Variants in DACH1 observed in about 807,000 individuals in gnomAD.
DACH1 encodes the protein dachshund family transcription factor 1.
Under a neutral mutation model 54.2 loss-of-function variants are expected in DACH1, and 12 were observed. The ratio of observed to expected loss-of-function variants is 0.22; its 90% CI spans 0.14 to 0.36. The LOEUF is 0.36. Among genes scored for constraint, DACH1 ranks in the 10% least tolerant of loss-of-function variants. The pLI, the probability that DACH1 is intolerant of heterozygous loss-of-function variation, is 1.00. For missense variants in DACH1, 805 were observed against 929.8 expected (o/e 0.87, Z 1.75); for synonymous variants, 386 against 366.2 (o/e 1.05, Z -0.62).
Position 71,865,463 on chromosome 13 carries a change from C to T in DACH1, c.848+459G>A, listed in dbSNP as rs549023738. Among the ~76,000 whole-genome samples the T allele has an allele frequency of 2.5e-3, 387 of 152,252 alleles. 1 individual carries two copies. Among genetic ancestry groups the T allele is most frequent in the Non-Finnish European group, 4.5e-3 (305 of 68,002 alleles). ...CTCCCCCCGCCCCCGGGACACCGCTCGGCGCCACAGATCAGCCCTGTCGGT... is the reference window on the plus strand; with the variant it reads ...CTCCCCCCGCCCCCGGGACACCGCTTGGCGCCACAGATCAGCCCTGTCGGT... On this transcript the variant is annotated intron_variant, in intron 1 of 10. Transcript: ENST00000613252.
intron 1 of DACH1, among the ~76,000 whole-genome samples, chr13:71,858,927 C>G (rs1874179320): frequency 6.6e-6 from 1 of 151,610 alleles, no homozygotes; most frequent in Non-Finnish European, 1.5e-5. Context: ...GTATCTCTCT[C>G]TCTGTGTGTC....
chr13:71,668,939 A>T (rs573881627), intron 2 of DACH1, among the ~76,000 whole-genome samples: 21 of 152,286 alleles, frequency 1.4e-4, no homozygotes, highest in Admixed American at 1.3e-3. Context: ...TAAAAAACAA[A>T]AAAAGAAACA....
intron 10 of DACH1, among the ~76,000 whole-genome samples, chr13:71,440,915 T>C (rs1052781126): frequency 1.3e-5 from 2 of 152,044 alleles, no homozygotes; most frequent in African/African-American, 4.8e-5. Flanking sequence ...CATAAATATA[T>C]ATTTGCTATT....
chr13:71,654,664 G>A (rs1878966054), intron 2 of DACH1, among the ~76,000 whole-genome samples: 1 of 152,020 alleles, frequency 6.6e-6, no homozygotes, highest in Non-Finnish European at 1.5e-5. Context: ...ACATGGAAAT[G>A]TGTTGGCACT....
chr13:71,507,866 T>A (rs895413285), intron 6 of DACH1, among the ~76,000 whole-genome samples: 1 of 152,206 alleles, frequency 6.6e-6, no homozygotes, highest in African/African-American at 2.4e-5. Flanking sequence ...CCTGCCAATG[T>A]TAATATATTT....
At chr13:71,678,680 A>G (rs1594088059) in intron 2 of DACH1, among the ~76,000 whole-genome samples, 2 of 147,558 alleles carry the variant, frequency 1.4e-5, no homozygotes, top group Admixed American at 6.8e-5. Flanking sequence ...TCTTTCAGAC[A>G]GGGTCTCTTT....
intron 6 of DACH1, among the ~76,000 whole-genome samples, chr13:71,524,873 A>G (rs1298722584): frequency 2.0e-5 from 3 of 152,136 alleles, no homozygotes; most frequent in East Asian, 1.9e-4. Flanking sequence ...TGAAAAGGAT[A>G]ATCAGTACAG....
At chr13:71,816,651 TATATACACGTGTATATATATAC>T in intron 1 of DACH1, among the ~76,000 whole-genome samples, 1 of 21,496 alleles carries the variant, frequency 4.7e-5, no homozygotes, top group African/African-American at 1.0e-4. Context: ...TGTGTGTATA[TATATACACGTGTATATATATAC>T]ACACATATAT....
intron 1 of DACH1, among the ~76,000 whole-genome samples, chr13:71,740,802 T>C (rs1034913570): frequency 5.3e-5 from 8 of 152,204 alleles, no homozygotes; most frequent in East Asian, 1.9e-4. Context: ...CATGATGATA[T>C]GATGTATAAT....
intron 10 of DACH1, among the ~76,000 whole-genome samples, chr13:71,454,966 A>G (rs1268404391): frequency 1.3e-5 from 2 of 152,176 alleles, no homozygotes; most frequent in African/African-American, 4.8e-5. Context: ...AGTTCTTGTG[A>G]GTTTTAGTGT....
chr13:71,656,914 CTTCT>C (rs908391630), intron 2 of DACH1, among the ~76,000 whole-genome samples: 2 of 39,222 alleles, frequency 5.1e-5, no homozygotes, highest in African/African-American at 1.6e-4. Flanking sequence ...ATTGACTGTT[CTTCT>C]TTCATATATA....
At chr13:71,543,955 C>G (rs1201391669) in intron 6 of DACH1, among the ~76,000 whole-genome samples, 1 of 152,038 alleles carries the variant, frequency 6.6e-6, no homozygotes, top group Non-Finnish European at 1.5e-5. Context: ...CCCACCTTAC[C>G]ACTAAAGCAC....
chr13:71,513,137 T>C (rs902878236), intron 6 of DACH1, among the ~76,000 whole-genome samples: 11 of 152,102 alleles, frequency 7.2e-5, no homozygotes, highest in Non-Finnish European at 1.5e-4. Flanking sequence ...TCATTTGTTA[T>C]TAGCAGTATG....
Position 71,490,289 on chromosome 13 carries a change from G to A in DACH1, c.1571-1141C>T, listed in dbSNP as rs117610343. Among the ~76,000 whole-genome samples the A allele has an allele frequency of 4.4e-3, 677 of 152,164 alleles. 4 individuals carry two copies. The highest frequency in any genetic ancestry group is 7.5e-3 in the Non-Finnish European group (511 of 68,000). On this transcript the variant is annotated intron_variant, in intron 6 of 10. Transcript: ENST00000613252. ...ATTACACCATCTAACCACACAACAC[G>A]TTTTCCAATTACGTCTCTCTGGGGC...
intron 6 of DACH1, among the ~76,000 whole-genome samples, chr13:71,511,372 T>G (rs1880763122): frequency 6.6e-6 from 1 of 151,542 alleles, no homozygotes; most frequent in South Asian, 2.1e-4. Context: ...ATTTATGTGC[T>G]GAGAGCCAAA....
chr13:71,603,259 T>C (rs966758588), intron 3 of DACH1, among the ~76,000 whole-genome samples: 5 of 151,970 alleles, frequency 3.3e-5, no homozygotes, highest in African/African-American at 1.2e-4. Context: ...ATACCAATGG[T>C]GGATTACTCC....
chr13:71,526,008 T>C (rs899769120), intron 6 of DACH1, among the ~76,000 whole-genome samples: 2 of 152,176 alleles, frequency 1.3e-5, no homozygotes, highest in African/African-American at 2.4e-5. Context: ...GCTGACAATT[T>C]AGTGGACAGA....
intron 2 of DACH1, among the ~76,000 whole-genome samples, chr13:71,668,221 C>T (rs757657668): frequency 6.6e-6 from 1 of 151,976 alleles, no homozygotes; most frequent in Non-Finnish European, 1.5e-5. Context: ...TATAGCATCA[C>T]ATTTGTAAAT....
chr13:71,743,691 T>C (rs978129942), intron 1 of DACH1, among the ~76,000 whole-genome samples: 1 of 152,210 alleles, frequency 6.6e-6, no homozygotes, highest in African/African-American at 2.4e-5. Context: ...TTTAAACAGA[T>C]TTTATGGCTT....
Sources: gnomAD v4.1 joint callset for allele counts (sites outside exome capture counted in the v4.1 genomes callset) on GRCh38, gnomAD v4.1.1 for gene constraint, MANE v1.5 for transcripts, NCBI Gene and HGNC (gene_info 2026-07-23, HGNC 2026-07-21) for gene names.